RABGAP1L: variants seen among roughly 807,000 people sequenced by gnomAD.
RABGAP1L encodes rab GTPase-activating protein 1-like.
RABGAP1L carries 63 observed loss-of-function variants against 137.7 expected under a neutral mutation model. The observed-to-expected ratio is 0.46, with a 90% CI of 0.37 to 0.56. The LOEUF (loss-of-function observed/expected upper bound fraction) is 0.56, where lower values mean the gene tolerates loss of function less well. RABGAP1L is among the 20% of genes least tolerant of loss of function. RABGAP1L has a pLI of 0.00. For synonymous variants in RABGAP1L, 431 were observed against 433.7 expected, an observed-to-expected ratio of 0.99 and a Z score of 0.08; for missense variants, 1,095 against 1,244.0, an observed-to-expected ratio of 0.88 and a Z score of 1.80.
intron 19 of RABGAP1L, among the ~76,000 whole-genome samples, chr1:174,825,255 G>A (rs1691446892): frequency 1.3e-5 from 2 of 152,154 alleles, no homozygotes; most frequent in South Asian, 4.1e-4. Flanking sequence ...ATAAAGAGGT[G>A]GTAAAACAGT....
chr1:174,762,815 T>TG (rs1274262459), intron 18 of RABGAP1L, among the ~76,000 whole-genome samples: 5 of 147,050 alleles, frequency 3.4e-5, no homozygotes, highest in South Asian at 2.2e-4. Context: ...TGCTTTTTTT[T>TG]TTTTTTTTTT....
chr1:174,609,687 G>A (rs188255384), intron 13 of RABGAP1L, among the ~76,000 whole-genome samples: 2 of 152,100 alleles, frequency 1.3e-5, no homozygotes, highest in Non-Finnish European at 1.5e-5. Context: ...AACTAAGACA[G>A]ATACCTGAGA....
intron 19 of RABGAP1L, among the ~76,000 whole-genome samples, chr1:174,893,725 T>C (rs1656653166): frequency 6.6e-6 from 1 of 152,176 alleles, no homozygotes; most frequent in African/African-American, 2.4e-5. Context: ...TCTTGACAAC[T>C]ATCAGCCACA....
chr1:174,644,440 G>A (rs1289937100), intron 14 of RABGAP1L, among the ~76,000 whole-genome samples: 1 of 151,904 alleles, frequency 6.6e-6, no homozygotes, highest in East Asian at 1.9e-4. Flanking sequence ...AGAATAAAGG[G>A]ATTGGTGTGA....
rs1001174228 is a variant in RABGAP1L at position 174,648,189 on chromosome 1, T to C, written c.1824+10701T>C. On this transcript the variant is annotated intron_variant, in intron 14 of 25. Coordinates refer to ENST00000681986, the MANE Select transcript of RABGAP1L (RefSeq NM_001366446.1). ...TCATTGAGTTTTTTTTGAAGGGTTT[T>C]TCATGTCTATCTCCTTCAGTTCTGC... Among the ~76,000 whole-genome samples, 5 of 152,152 alleles carry C rather than the reference T, an allele frequency of 3.3e-5. 1 individual carries two copies. The highest frequency in any genetic ancestry group is 4.1e-4 in the South Asian group (2 of 4,834).
intron 20 of RABGAP1L, among the ~76,000 whole-genome samples, chr1:174,966,910 A>G (rs1246879188): frequency 1.3e-5 from 2 of 152,160 alleles, no homozygotes; most frequent in East Asian, 3.8e-4. Flanking sequence ...ATCCCTTCCA[A>G]TGGAATTAAA....
chr1:174,765,752 A>T (rs1685616483), intron 18 of RABGAP1L, among the ~76,000 whole-genome samples: 1 of 152,204 alleles, frequency 6.6e-6, no homozygotes. Context: ...TTTAATTTTA[A>T]GGAAGTCCAA....
intron 18 of RABGAP1L, among the ~76,000 whole-genome samples, chr1:174,799,519 G>A (rs543875216): frequency 2.5e-4 from 38 of 152,220 alleles, no homozygotes; most frequent in African/African-American, 6.3e-4. Flanking sequence ...TTCTGTGAGC[G>A]TCACATGTTA....
chr1:174,411,451 G>A (rs1649919037), intron 13 of RABGAP1L, among the ~76,000 whole-genome samples: 1 of 152,048 alleles, frequency 6.6e-6, no homozygotes, highest in African/African-American at 2.4e-5. Flanking sequence ...AGGGATGTTG[G>A]ATTTTATCAA....
intron 13 of RABGAP1L, among the ~76,000 whole-genome samples, chr1:174,588,483 A>C (rs1332035693): frequency 6.6e-6 from 1 of 152,282 alleles, no homozygotes; most frequent in South Asian, 2.1e-4. Flanking sequence ...TTATTTTTAA[A>C]TGTACAATAA....
At chr1:174,537,194 G>A (rs1048235673) in intron 13 of RABGAP1L, among the ~76,000 whole-genome samples, 2 of 152,124 alleles carry the variant, frequency 1.3e-5, no homozygotes, top group Non-Finnish European at 2.9e-5. Context: ...ATTAAAAATA[G>A]ACTATAAACT....
chr1:174,950,228 A>G (rs1667506572), intron 19 of RABGAP1L, among the ~76,000 whole-genome samples: 1 of 152,204 alleles, frequency 6.6e-6, no homozygotes, highest in African/African-American at 2.4e-5. Flanking sequence ...AGAGAGAAGT[A>G]TGTCCTTTGT....
intron 19 of RABGAP1L, among the ~76,000 whole-genome samples, chr1:174,926,971 G>T (rs895455012): frequency 6.6e-6 from 1 of 151,912 alleles, no homozygotes. Flanking sequence ...TACTCCAGAG[G>T]CTGAGGCAGA....
intron 1 of RABGAP1L, among the ~76,000 whole-genome samples, chr1:174,198,699 A>G (rs556152065): frequency 1.3e-5 from 2 of 152,330 alleles, no homozygotes; most frequent in South Asian, 2.1e-4. Flanking sequence ...AGGTAAAGTA[A>G]TATTTAAAAG....
At chr1:174,844,337 C>A (rs1413615304) in intron 19 of RABGAP1L, among the ~76,000 whole-genome samples, 2 of 122,322 alleles carry the variant, frequency 1.6e-5, no homozygotes, top group Non-Finnish European at 3.4e-5. Context: ...AGGTTTTCTT[C>A]TAGGGTTTTT....
intron 11 of RABGAP1L, among the ~76,000 whole-genome samples, chr1:174,320,763 T>C (rs994602914): frequency 2.0e-5 from 3 of 152,230 alleles, no homozygotes; most frequent in African/African-American, 7.2e-5. Context: ...AATCCCATCA[T>C]CTTCGTAAGC....
chr1:174,870,812 A>C (rs957982513), intron 19 of RABGAP1L, among the ~76,000 whole-genome samples: 1 of 148,218 alleles, frequency 6.7e-6, no homozygotes, highest in African/African-American at 2.5e-5. Flanking sequence ...ATCTTAGCTT[A>C]CTGCAAGCTC....
intron 13 of RABGAP1L, among the ~76,000 whole-genome samples, chr1:174,420,368 T>C (rs1388652324): frequency 6.6e-6 from 1 of 152,134 alleles, no homozygotes; most frequent in Non-Finnish European, 1.5e-5. Flanking sequence ...CTTTTAGTAA[T>C]CATTCCCAAG....
intron 13 of RABGAP1L, among the ~76,000 whole-genome samples, chr1:174,489,683 A>G (rs1361516882): frequency 2.0e-5 from 3 of 152,204 alleles, no homozygotes; most frequent in Non-Finnish European, 2.9e-5. Flanking sequence ...TACTGGGTAT[A>G]TACCCAAAGG....
Sources: allele counts gnomAD v4.1 joint callset (sites outside exome capture counted in the v4.1 genomes callset), GRCh38; gene constraint gnomAD v4.1.1; transcripts MANE v1.5; gene names NCBI Gene and HGNC (gene_info 2026-07-23, HGNC 2026-07-21).